The following GSE1 variants were observed in gnomAD, a reference collection of about 807,000 sequenced individuals.
GSE1 encodes the protein genetic suppressor element 1.
A neutral mutation model predicts 112.6 loss-of-function variants in GSE1; 32 were observed. The ratio of observed to expected loss-of-function variants is 0.28; its 90% CI spans 0.21 to 0.38. The LOEUF is 0.38. GSE1 is among the 10% of genes least tolerant of loss of function. GSE1 has a pLI of 1.00. For synonymous variants in GSE1, 1,115 were observed against 735.6 expected, an observed-to-expected ratio of 1.52 and a Z score of -8.35; for missense variants, 2,348 against 1,699.2, an observed-to-expected ratio of 1.38 and a Z score of -6.71.
intron 2 of GSE1, among the ~76,000 whole-genome samples, chr16:85,446,648 C>T (rs989571274): frequency 3.3e-5 from 5 of 152,154 alleles, no homozygotes; most frequent in African/African-American, 4.8e-5. Context: ...TAGACGCCAT[C>T]GAGCGGGTTC....
intron 2 of GSE1, among the ~76,000 whole-genome samples, chr16:85,516,278 C>T (rs1022061666): frequency 2.0e-5 from 3 of 151,990 alleles, no homozygotes; most frequent in Non-Finnish European, 4.4e-5. Flanking sequence ...GGCTGCTGCT[C>T]TACCTGTGAC....
chr16:85,278,246 A>G lies in GSE1; in HGVS notation c.2284-79217A>G, dbSNP rs74031770. Among the ~76,000 whole-genome samples, 730 of 152,278 alleles carry G rather than the reference A, an allele frequency of 4.8e-3. 3 individuals carry two copies. Among genetic ancestry groups the G allele is most frequent in the Middle Eastern group, 0.027 (8 of 294 alleles). ...CTGTCCTCTGACCCAGGCCCTTTGC[A>G]GAGTGTGACCTGAGACCCTCTCTTC... On this transcript the variant is annotated intron_variant, in intron 1 of 2. Coordinates refer to the GSE1 transcript ENST00000637419.
rs1334136400 is a variant in GSE1 at position 85,657,263 on chromosome 16, G to A, written c.1313-14G>A. 1.3e-6 allele frequency: 2 copies of A among 1,516,988 alleles called. No individual in the cohort carries two copies. The highest frequency in any genetic ancestry group is 4.1e-5 in the Admixed American group (2 of 48,718). The allele number at this position is 1,516,988 out of a possible 1,614,324, so 94.0% of individuals were successfully genotyped here. A position where few individuals can be genotyped will look rare whatever the true frequency, so the allele number is the denominator to read the frequency against. On this transcript the variant is annotated splice_polypyrimidine_tract_variant and intron_variant, in intron 7 of 15. Transcript: ENST00000253458. Reference sequence around the variant, plus strand: ...CGTGGCTGAGATCCTGCTTGACCGTGTTTCCCCCCACAGAGAAGCTGAAGG... The same window carrying A: ...CGTGGCTGAGATCCTGCTTGACCGTATTTCCCCCCACAGAGAAGCTGAAGG...
exon 1 of GSE1, chr16:85,556,069 A>G: frequency 1.0e-6 from 1 of 983,572 alleles, no homozygotes; most frequent in Non-Finnish European, 1.2e-6. Flanking sequence ...CTCATTGTGG[A>G]TCTGCCAGGG....
rs182446696 is a variant in GSE1 at position 85,675,362 on chromosome 16, G to C, written c.*2823G>C. The C allele has an allele frequency of 4.6e-4, 70 of 152,286 alleles. No individual in the cohort carries two copies. Among genetic ancestry groups the C allele is most frequent in the Middle Eastern group, 3.4e-3 (1 of 294 alleles). The allele number at this position is 152,286 out of a possible 1,614,324, so 9.4% of individuals were successfully genotyped here. ...ATTATCTGGTTCCTCACTGAAACAA[G>C]TTATTTTTGCTTCATATAGTCAGAG... On this transcript the variant is annotated 3_prime_UTR_variant, in exon 16 of 16. Coordinates refer to ENST00000253458, the MANE Select transcript of GSE1 (RefSeq NM_014615.5).
intron 1 of GSE1, among the ~76,000 whole-genome samples, chr16:85,308,685 T>C (rs2045746741): frequency 6.6e-6 from 1 of 151,970 alleles, no homozygotes; most frequent in Non-Finnish European, 1.5e-5. Context: ...TAAAACACAT[T>C]GCCTGGGGAA....
At chr16:85,382,986 C>A (rs1445625801) in intron 2 of GSE1, among the ~76,000 whole-genome samples, 4 of 118,354 alleles carry the variant, frequency 3.4e-5, no homozygotes, top group Admixed American at 2.2e-4. Flanking sequence ...CACACGCACA[C>A]ATGTGCACAT....
At chr16:85,176,114 G>A (rs1359093755) in intron 1 of GSE1, among the ~76,000 whole-genome samples, 1 of 152,162 alleles carries the variant, frequency 6.6e-6, no homozygotes, top group African/African-American at 2.4e-5. Context: ...CCAGTCTTCT[G>A]AGTAGCTGGG....
At chr16:85,249,607 C>A (rs954929564) in intron 1 of GSE1, among the ~76,000 whole-genome samples, 1 of 152,224 alleles carries the variant, frequency 6.6e-6, no homozygotes, top group Admixed American at 6.5e-5. Flanking sequence ...CACAGCAGGG[C>A]AGAGTCCTGG....
intron 1 of GSE1, chr16:85,171,936 G>T: frequency 6.5e-6 from 3 of 463,830 alleles, no homozygotes; most frequent in South Asian, 9.1e-5. Flanking sequence ...GGGGTGTTCC[G>T]GGGGAGGTAC....
chr16:85,187,052 G>T (rs1037652171), intron 1 of GSE1, among the ~76,000 whole-genome samples: 1 of 152,184 alleles, frequency 6.6e-6, no homozygotes, highest in Non-Finnish European at 1.5e-5. Flanking sequence ...GTGCAGTGAC[G>T]CAGCCACGCT....
chr16:85,179,628 A>T (rs1414064651), intron 1 of GSE1, among the ~76,000 whole-genome samples: 2 of 152,118 alleles, frequency 1.3e-5, no homozygotes, highest in Non-Finnish European at 1.5e-5. Context: ...TGGAAAAGTC[A>T]TATTGGTGAC....
At chr16:85,170,159 A>T in exon 1 of GSE1, 1 of 984,870 alleles carries the variant, frequency 1.0e-6, no homozygotes. Context: ...CGCGGCCAGG[A>T]GTGGAGGCCG....
intron 1 of GSE1, among the ~76,000 whole-genome samples, chr16:85,208,966 G>T (rs991990364): frequency 4.2e-4 from 64 of 151,410 alleles, no homozygotes; most frequent in Non-Finnish European, 8.3e-4. Flanking sequence ...GGGTTCGCCT[G>T]TGTTGGGGTT....
intron 8 of GSE1, among the ~76,000 whole-genome samples, chr16:85,660,803 G>A (rs1455549789): frequency 6.6e-6 from 1 of 151,860 alleles, no homozygotes; most frequent in East Asian, 2.0e-4. Flanking sequence ...GCTAATTTTT[G>A]TATTTTTTAG....
At chr16:85,453,988 G>T (rs1040344549) in intron 2 of GSE1, among the ~76,000 whole-genome samples, 1 of 152,110 alleles carries the variant, frequency 6.6e-6, no homozygotes, top group Non-Finnish European at 1.5e-5. Context: ...CCCCAGGAAG[G>T]AGACTTGGGG....
intron 3 of GSE1, 128 bp from the exon 4 acceptor site, chr16:85,654,150 A>AG: frequency 1.2e-6 from 1 of 837,670 alleles, no homozygotes; most frequent in East Asian, 2.7e-5. Flanking sequence ...AGAAAGCCTT[A>AG]GGGAAAGGAT....
intron 1 of GSE1, among the ~76,000 whole-genome samples, chr16:85,258,360 C>A (rs761289902): frequency 6.6e-6 from 1 of 152,254 alleles, no homozygotes; most frequent in African/African-American, 2.4e-5. Flanking sequence ...ACCCCTGGGA[C>A]TCCCTTCCTG....
At chr16:85,630,236 G>T (rs74762654) in intron 1 of GSE1, among the ~76,000 whole-genome samples, 2,651 of 152,346 alleles carry the variant, frequency 0.017, 83 homozygotes, top group African/African-American at 0.061. Flanking sequence ...GCTGCAGACT[G>T]CTGCTTCCAT....
Sources: allele counts gnomAD v4.1 joint callset (sites outside exome capture counted in the v4.1 genomes callset), GRCh38; gene constraint gnomAD v4.1.1; transcripts MANE v1.5; gene names NCBI Gene and HGNC (gene_info 2026-07-23, HGNC 2026-07-21).